Variants in AACS observed in about 807,000 individuals in gnomAD.
AACS encodes acetoacetate-CoA ligase.
In AACS, 69 loss-of-function variants were observed where a neutral mutation model predicts 83.1. The observed-to-expected ratio is 0.83, with a 90% CI of 0.68 to 1.01. The LOEUF is 1.01. Among genes scored for constraint, AACS ranks in the 50% least tolerant of loss-of-function variants. The pLI is 0.00. For synonymous variants in AACS, 333 were observed against 343.4 expected (o/e 0.97, Z 0.33); for missense variants, 866 against 882.2 (o/e 0.98, Z 0.23).
At chr12:125,091,342 C>A in intron 4 of AACS, 84 bp from the exon 5 acceptor site, 2 of 1,400,926 alleles carry the variant, frequency 1.4e-6, no homozygotes, top group Non-Finnish European at 2.0e-6. Context: ...CCACTCTGAC[C>A]TTGGCTCTCA....
In AACS at chr12:125,129,338, A is replaced by T; in HGVS notation, c.1427A>T (p.Lys476Met). ...ATTTTTAATTCTCCCATACCAGGAA[A>T]GGCGGTCTGGGGAGAGAGCGGCGAG... The part of the protein sequence containing the change: ...MAVEAWNEEG[K>M]AVWGESGELV... Residue 476 changes from lysine to methionine, a missense_variant, in exon 14 of 18, where the codon AAG becomes ATG. Transcript: ENST00000316519. The surrounding 1 kb of genome is among the most constrained non-coding windows in gnomAD (Gnocchi z 4.3). 1.2e-6 allele frequency: 2 copies of T among 1,612,226 alleles called. No individual in the cohort carries two copies. The highest frequency in any genetic ancestry group is 1.7e-6 in the Non-Finnish European group (2 of 1,179,442).
intron 17 of AACS, chr12:125,139,028 T>TGA (rs1555227829): frequency 3.3e-5 from 5 of 151,584 alleles, no homozygotes; most frequent in Non-Finnish European, 7.4e-5. Flanking sequence ...TTGTAGGGAG[T>TGA]GGGCTACCCA....
In AACS at chr12:125,136,855, G is replaced by T; in HGVS notation, c.1872G>T (p.Lys624Asn). ...RHVPSLILET[K>N]GIPYTLNGKK... ...TGCCCAGCCTCATCCTGGAAACCAAGGGCATCCCGGTATGGCCATCTCCCG... is the reference window on the plus strand; with the variant it reads ...TGCCCAGCCTCATCCTGGAAACCAATGGCATCCCGGTATGGCCATCTCCCG... Residue 624 changes from lysine to asparagine, a missense_variant, in exon 17 of 18, where the codon AAG becomes AAT. Lys to Asn is a moderately conservative substitution (Grantham distance 94). Transcript: ENST00000316519. The T allele has an allele frequency of 6.2e-7, 1 of 1,613,188 alleles. No homozygotes were observed.
At chr12:125,065,800 TTC>T (rs1373534285) in intron 1 of AACS, 83 bp downstream of exon 1, 1 of 1,403,344 alleles carries the variant, frequency 7.1e-7, no homozygotes, top group Non-Finnish European at 9.3e-7. Flanking sequence ...CATGGCTAGT[TTC>T]ACGCTTCTGG....
chr12:125,134,203 G>T, intron 15 of AACS, 131 bp downstream of exon 15: 1 of 958,842 alleles, frequency 1.0e-6, no homozygotes, highest in East Asian at 2.6e-5. Context: ...CCAGCACCAG[G>T]GTGTCCACAC....
chr12:125,072,716 T>C (rs1481025898), intron 1 of AACS, among the ~76,000 whole-genome samples: 1 of 152,162 alleles, frequency 6.6e-6, no homozygotes, highest in Non-Finnish European at 1.5e-5. Flanking sequence ...TCAGCGAGGC[T>C]GGGGTTAGTT....
rs865906655 is a variant in AACS, at chr12:125,125,885, G to A, written c.1309+861G>A. The A allele has an allele frequency of 2.0e-5, 3 of 151,994 alleles. No homozygotes were observed. In the South Asian group the frequency reaches 6.2e-4, roughly 32 times the overall value. The allele number at this position is 151,994 out of a possible 1,614,324, so 9.4% of individuals were successfully genotyped here. ...GGTCATTTTTGCAGGTGGAAAACAG[G>A]TATATATGGATGTGTACATGCACAC... On this transcript the variant is annotated intron_variant, in intron 12 of 17. Coordinates refer to ENST00000316519, the MANE Select transcript of AACS (RefSeq NM_023928.5).
At chr12:125,114,404 G>C in intron 8 of AACS, 73 bp from the exon 9 acceptor site, 2 of 1,287,912 alleles carry the variant, frequency 1.6e-6, no homozygotes, top group Non-Finnish European at 1.1e-6. Flanking sequence ...TGAGCAGCGC[G>C]TGGGCCAGGT....
intron 1 of AACS, among the ~76,000 whole-genome samples, chr12:125,072,252 G>A (rs1337157236): frequency 6.6e-6 from 1 of 151,920 alleles, no homozygotes; most frequent in Non-Finnish European, 1.5e-5. Context: ...TGAGCTTCTG[G>A]GCTAAAGCGA....
At chr12:125,068,843 CT>C (rs11333763) in intron 1 of AACS, among the ~76,000 whole-genome samples, 101,823 of 138,714 alleles carry the variant, frequency 0.73, 37,179 homozygotes, top group South Asian at 0.81. Flanking sequence ...TGTGAGCATT[CT>C]TTTTTTTTTT....
intron 1 of AACS, 63 bp from the exon 2 acceptor site, chr12:125,073,813 C>T: frequency 1.5e-6 from 2 of 1,345,628 alleles, no homozygotes; most frequent in East Asian, 4.6e-5. Context: ...GAGGTGTGTC[C>T]ATCTTATTAA....
Position 125,094,296 on chromosome 12 carries a change from A to T in AACS, c.570+2773A>T, listed in dbSNP as rs368286099. Among the ~76,000 whole-genome samples the T allele has an allele frequency of 6.6e-6, 1 of 152,250 alleles. No homozygotes were observed. Among genetic ancestry groups the T allele is most frequent in the African/African-American group, 2.4e-5 (1 of 41,474 alleles). On this transcript the variant is annotated intron_variant, in intron 5 of 17. Coordinates refer to ENST00000316519, the MANE Select transcript of AACS (RefSeq NM_023928.5). The surrounding 1 kb of genome is among the most constrained non-coding windows in gnomAD (Gnocchi z 4.1). ...TAAGGGGCGCTCTTCAGAAACTGCA[A>T]TGAAGCGTGAATGTCTTCCCTTTGG...
At chr12:125,079,849 C>T (rs1168913173) in intron 3 of AACS, among the ~76,000 whole-genome samples, 2 of 152,190 alleles carry the variant, frequency 1.3e-5, no homozygotes. Context: ...TACCAATTAG[C>T]AGTCACTCTC....
rs748666907 is a variant in AACS at position 125,102,785 on chromosome 12, T to A, written c.677T>A (p.Val226Glu). 1.9e-6 allele frequency: 3 copies of A among 1,613,870 alleles called. No homozygotes were observed. In the Admixed American group the frequency reaches 5.0e-5, roughly 27 times the overall value. Reference sequence around the variant, plus strand: ...AACCACATGGAAAAGCTGCAGCAGGTGGTTAAAGGTGTGTGGCCCTTCCGG... The same window carrying A: ...AACCACATGGAAAAGCTGCAGCAGGAGGTTAAAGGTGTGTGGCCCTTCCGG... Reference protein sequence around the residue: ...EHNHMEKLQQVVKGLPDLKKV... With the variant: ...EHNHMEKLQQEVKGLPDLKKV... Residue 226 changes from valine to glutamate, a missense_variant, in exon 6 of 18, where the codon GTG becomes GAG. By Grantham distance (121) the Val-to-Glu change is moderately radical. Transcript: ENST00000316519.
At chr12:125,121,170 CG>C (rs1592996072) in intron 10 of AACS, 1 of 152,292 alleles carries the variant, frequency 6.6e-6, no homozygotes, top group South Asian at 2.1e-4. Context: ...CCTCCTGCGC[CG>C]TTTGGCGAGG....
At chr12:125,084,149 G>A (rs2136061783) in intron 3 of AACS, among the ~76,000 whole-genome samples, 1 of 151,600 alleles carries the variant, frequency 6.6e-6, no homozygotes, top group Middle Eastern at 3.4e-3. Context: ...CCAACGTGGT[G>A]AAACCCCATC....
intron 10 of AACS, chr12:125,123,446 C>G (rs1300466128): frequency 8.5e-5 from 13 of 152,280 alleles, no homozygotes; most frequent in Admixed American, 7.2e-4. Flanking sequence ...CCAGCCATCT[C>G]TAGGGTACAG....
At chr12:125,118,476 G>C in intron 9 of AACS, 165 bp from the exon 10 acceptor site, 1 of 791,300 alleles carries the variant, frequency 1.3e-6, no homozygotes, top group Non-Finnish European at 2.0e-6. Context: ...TCCATTCTTA[G>C]ATGTGGAGTT....
chr12:125,124,363 G>A, intron 10 of AACS: 1 of 259,860 alleles, frequency 3.8e-6, no homozygotes, highest in Non-Finnish European at 7.3e-6. Context: ...GATAGAATTT[G>A]AGGGGACTTG....
Sources: allele counts gnomAD v4.1 joint callset (sites outside exome capture counted in the v4.1 genomes callset), GRCh38; gene constraint gnomAD v4.1.1; non-coding constraint Gnocchi (gnomAD v3.1); transcripts MANE v1.5; gene names NCBI Gene and HGNC (gene_info 2026-07-23, HGNC 2026-07-21).